The following NOS1AP variants were observed in gnomAD, a reference collection of about 807,000 sequenced individuals.
NOS1AP encodes the protein nitric oxide synthase 1 adaptor protein.
NOS1AP carries 21 observed loss-of-function variants against 56.2 expected under a neutral mutation model. The ratio of observed to expected loss-of-function variants is 0.37; its 90% CI spans 0.26 to 0.54. The LOEUF (loss-of-function observed/expected upper bound fraction) is 0.54. NOS1AP is among the 20% of genes least tolerant of loss of function. The pLI, the probability that NOS1AP is intolerant of heterozygous loss-of-function variation, is 0.84. For missense variants in NOS1AP, 522 were observed against 657.8 expected (o/e 0.79, Z 2.26); for synonymous variants, 270 against 274.6 (o/e 0.98, Z 0.17).
chr1:162,147,104 C>T (rs995397336), intron 1 of NOS1AP, among the ~76,000 whole-genome samples: 9 of 152,034 alleles, frequency 5.9e-5, no homozygotes, highest in Middle Eastern at 3.4e-3. Context: ...CTGAGGCAGG[C>T]GGATCACGAG....
chr1:162,364,665 C>G lies in NOS1AP; in HGVS notation c.940-739C>G. On this transcript the variant is annotated intron_variant, in intron 8 of 9. Transcript: ENST00000361897. The stretch of plus-strand genomic sequence containing the variant: ...CCTTCTGGGCTGGTTGGAGGAGGCC[C>G]TCTCATGAATCAGTCAGCAAATGTT... The G allele has an allele frequency of 4.1e-6, 4 of 985,568 alleles. No homozygotes were observed. In the African/African-American group the frequency reaches 7.0e-5, roughly 17 times the overall value. The allele number at this position is 985,568 out of a possible 1,614,324, so 61.1% of individuals were successfully genotyped here. A position where few individuals can be genotyped will look rare whatever the true frequency, so the allele number is the denominator to read the frequency against.
At chr1:162,084,580 G>T (rs535423525) in intron 1 of NOS1AP, among the ~76,000 whole-genome samples, 1 of 152,320 alleles carries the variant, frequency 6.6e-6, no homozygotes, top group South Asian at 2.1e-4. Context: ...GCCACTATCA[G>T]GAGGGAGGTA....
intron 4 of NOS1AP, among the ~76,000 whole-genome samples, chr1:162,331,585 G>A (rs1181435719): frequency 6.6e-6 from 1 of 152,190 alleles, no homozygotes; most frequent in Non-Finnish European, 1.5e-5. Context: ...AGATGAAGTT[G>A]TAGACTCTCA....
chr1:162,300,514 GCCTCTT>G, intron 3 of NOS1AP, 113 bp from the exon 4 acceptor site: 1 of 840,086 alleles, frequency 1.2e-6, no homozygotes, highest in Non-Finnish European at 2.1e-6. Context: ...TCAACTCCAG[GCCTCTT>G]AGAGGGAAAA....
Position 162,245,127 on chromosome 1 carries a change from G to T in NOS1AP, c.178-42217G>T, listed in dbSNP as rs558484441. Among the ~76,000 whole-genome samples, 20 of 152,120 alleles carry T rather than the reference G, an allele frequency of 1.3e-4. 1 individual carries two copies. Among genetic ancestry groups the T allele is most frequent in the Non-Finnish European group, 2.2e-4 (15 of 68,036 alleles). On this transcript the variant is annotated intron_variant, in intron 2 of 9. Transcript: ENST00000361897. The stretch of plus-strand genomic sequence containing the variant: ...TTTTAATTTGGGGAAGGCAATTGCT[G>T]TGAACATTCCTGCCTAAGGACTTGT...
intron 1 of NOS1AP, among the ~76,000 whole-genome samples, chr1:162,112,831 G>A (rs1421502368): frequency 6.6e-6 from 1 of 152,140 alleles, no homozygotes; most frequent in Admixed American, 6.5e-5. Flanking sequence ...GAGTATATTA[G>A]CATTATAAGC....
intron 3 of NOS1AP, among the ~76,000 whole-genome samples, chr1:162,296,108 G>A (rs1655449311): frequency 6.6e-6 from 1 of 152,100 alleles, no homozygotes; most frequent in Non-Finnish European, 1.5e-5. Context: ...CCAACATGGT[G>A]AAACCCCATC....
chr1:162,138,275 C>T (rs1271995799), intron 1 of NOS1AP, among the ~76,000 whole-genome samples: 3 of 152,214 alleles, frequency 2.0e-5, no homozygotes, highest in Admixed American at 2.0e-4. Flanking sequence ...GTCTAAGTTT[C>T]TGTTGTGCAG....
chr1:162,155,283 T>TATAC (rs1459722488), intron 2 of NOS1AP, among the ~76,000 whole-genome samples: 4 of 138,878 alleles, frequency 2.9e-5, no homozygotes, highest in Non-Finnish European at 4.6e-5. Flanking sequence ...CATATACACA[T>TATAC]ATATACATAT....
At chr1:162,363,706 AG>A (rs1161350467) in intron 8 of NOS1AP, 1 of 781,246 alleles carries the variant, frequency 1.3e-6, no homozygotes. Context: ...GGAGATCTCA[AG>A]GGTTTGGGGA....
At chr1:162,156,314 A>C (rs1044048548) in intron 2 of NOS1AP, among the ~76,000 whole-genome samples, 1 of 152,156 alleles carries the variant, frequency 6.6e-6, no homozygotes, top group African/African-American at 2.4e-5. Flanking sequence ...ACTGAGGCTC[A>C]GAGGGGTAGG....
chr1:162,352,086 A>ATCTC (rs1553208870), intron 6 of NOS1AP, among the ~76,000 whole-genome samples: 3 of 151,016 alleles, frequency 2.0e-5, no homozygotes, highest in Non-Finnish European at 3.0e-5. Flanking sequence ...TCAAGACAGA[A>ATCTC]TCTCACTCTA....
chr1:162,184,287 A>T (rs1204686835), intron 2 of NOS1AP, among the ~76,000 whole-genome samples: 2 of 152,232 alleles, frequency 1.3e-5, no homozygotes, highest in Non-Finnish European at 2.9e-5. Context: ...TTACAATAGT[A>T]ACAATAACGA....
chr1:162,332,527 GA>G (rs1215880731), intron 4 of NOS1AP, among the ~76,000 whole-genome samples: 1 of 152,126 alleles, frequency 6.6e-6, no homozygotes, highest in South Asian at 2.1e-4. Context: ...GCAGAGAGGG[GA>G]CAGAGAGTGG....
At chr1:162,268,321 C>T (rs191490698) in intron 2 of NOS1AP, among the ~76,000 whole-genome samples, 13 of 151,692 alleles carry the variant, frequency 8.6e-5, no homozygotes, top group African/African-American at 4.9e-5. Flanking sequence ...GCTCCCCCCC[C>T]CTATTTCTAG....
At chr1:162,141,576 T>C (rs1403980443) in intron 1 of NOS1AP, among the ~76,000 whole-genome samples, 1 of 152,236 alleles carries the variant, frequency 6.6e-6, no homozygotes, top group African/African-American at 2.4e-5. Context: ...TCATCATCCA[T>C]GTGTGCCCCT....
chr1:162,339,644 T>C (rs1003414426), intron 5 of NOS1AP, among the ~76,000 whole-genome samples: 6 of 152,240 alleles, frequency 3.9e-5, no homozygotes, highest in Admixed American at 1.3e-4. Context: ...TTAAAGCTGC[T>C]ATTTACCAGA....
chr1:162,119,120 TC>T (rs1190060954), intron 1 of NOS1AP, among the ~76,000 whole-genome samples: 1 of 152,212 alleles, frequency 6.6e-6, no homozygotes, highest in African/African-American at 2.4e-5. Flanking sequence ...AGAATGTTTT[TC>T]TTTTTAAGAA....
chr1:162,113,477 A>G (rs1647792067), intron 1 of NOS1AP, among the ~76,000 whole-genome samples: 1 of 152,200 alleles, frequency 6.6e-6, no homozygotes, highest in Non-Finnish European at 1.5e-5. Flanking sequence ...TAGTTTATAA[A>G]GAAAAGAGGT....
Sources: gnomAD v4.1 joint callset for allele counts (sites outside exome capture counted in the v4.1 genomes callset) on GRCh38, gnomAD v4.1.1 for gene constraint, MANE v1.5 for transcripts, NCBI Gene and HGNC (gene_info 2026-07-23, HGNC 2026-07-21) for gene names.